The following TRAPPC8 variants were observed in gnomAD, a reference collection of about 807,000 sequenced individuals.
The protein encoded by TRAPPC8 is general sporulation gene 1 homolog.
Under a neutral mutation model 174.3 loss-of-function variants are expected in TRAPPC8, and 54 were observed. The observed-to-expected ratio is 0.31, with a 90% CI of 0.25 to 0.39. The LOEUF (loss-of-function observed/expected upper bound fraction) is 0.39, where lower values mean the gene tolerates loss of function less well. TRAPPC8 is among the 10% of genes least tolerant of loss of function. The pLI is 1.00. For synonymous variants in TRAPPC8, 630 were observed against 579.9 expected (o/e 1.09, Z -1.24); for missense variants, 1,531 against 1,699.1 (o/e 0.90, Z 1.74).
At chr18:31,939,986 G>A (rs550434457) in intron 1 of TRAPPC8, among the ~76,000 whole-genome samples, 2 of 152,312 alleles carry the variant, frequency 1.3e-5, no homozygotes, top group East Asian at 3.9e-4. Context: ...CAATACAGTA[G>A]GCAACAGCTG....
At chr18:31,934,169 C>G (rs2037978287) in intron 1 of TRAPPC8, among the ~76,000 whole-genome samples, 1 of 150,496 alleles carries the variant, frequency 6.6e-6, no homozygotes, top group Non-Finnish European at 1.5e-5. Context: ...GCCTGGGCGA[C>G]AGAGACTCCC....
rs767050619 is a variant in TRAPPC8, at chr18:31,855,641, CA to C, written c.3336+18del. 6.4e-7 allele frequency: 1 copy of C among 1,573,552 alleles called. No individual in the cohort carries two copies. Among genetic ancestry groups the C allele is most frequent in the Non-Finnish European group, 8.6e-7 (1 of 1,168,108 alleles). ...TTCAAATATAATTAAAAACAAAATTCAGTTTTAAACCAACTTACAGTATTGG... is the reference window on the plus strand; with the variant it reads ...TTCAAATATAATTAAAAACAAAATTCGTTTTAAACCAACTTACAGTATTGG... On this transcript the variant is annotated intron_variant, in intron 21 of 28. Coordinates refer to ENST00000283351, the MANE Select transcript of TRAPPC8 (RefSeq NM_014939.5).
intron 2 of TRAPPC8, among the ~76,000 whole-genome samples, chr18:31,929,403 T>C (rs1482180883): frequency 6.6e-6 from 1 of 152,054 alleles, no homozygotes; most frequent in Non-Finnish European, 1.5e-5. Flanking sequence ...GGTGTGCAGC[T>C]ATAGTCCTAA....
At chr18:31,918,754 TATATA>T (rs2037252305) in intron 2 of TRAPPC8, among the ~76,000 whole-genome samples, 1 of 152,240 alleles carries the variant, frequency 6.6e-6, no homozygotes, top group African/African-American at 2.4e-5. Flanking sequence ...TGTATAAATG[TATATA>T]ATGTGATTCT....
intron 1 of TRAPPC8, among the ~76,000 whole-genome samples, chr18:31,937,253 G>A (rs1045104905): frequency 4.0e-5 from 6 of 151,838 alleles, no homozygotes; most frequent in Admixed American, 6.6e-5. Flanking sequence ...ATTTAAGGCC[G>A]GTCGCAGTGG....
intron 12 of TRAPPC8, among the ~76,000 whole-genome samples, chr18:31,877,414 C>G (rs1304910644): frequency 6.7e-6 from 1 of 150,232 alleles, no homozygotes; most frequent in Non-Finnish European, 1.5e-5. Flanking sequence ...AGATCGAGAC[C>G]ATCCTGGCTA....
At chr18:31,911,005 A>C (rs2036880470) in intron 5 of TRAPPC8, among the ~76,000 whole-genome samples, 2 of 152,182 alleles carry the variant, frequency 1.3e-5, no homozygotes, top group Non-Finnish European at 2.9e-5. Flanking sequence ...GTCAGTAATC[A>C]CCTCAATACT....
chr18:31,866,197 C>A (rs749108315), intron 18 of TRAPPC8, among the ~76,000 whole-genome samples: 1 of 152,060 alleles, frequency 6.6e-6, no homozygotes, highest in Non-Finnish European at 1.5e-5. Flanking sequence ...TCATGGTAAA[C>A]TCCCTCTCCT....
intron 2 of TRAPPC8, among the ~76,000 whole-genome samples, chr18:31,927,113 T>C (rs150506579): frequency 1.1e-3 from 160 of 152,246 alleles, no homozygotes; most frequent in African/African-American, 3.8e-3. Flanking sequence ...TTTGATAAAT[T>C]TATTTTTCTT....
intron 19 of TRAPPC8, among the ~76,000 whole-genome samples, chr18:31,862,741 G>A (rs1021205418): frequency 6.6e-6 from 1 of 151,936 alleles, no homozygotes; most frequent in Admixed American, 6.6e-5. Context: ...ACATGTATAG[G>A]ATTACTACCA....
chr18:31,879,410 A>T (rs893637772), intron 12 of TRAPPC8, among the ~76,000 whole-genome samples: 2 of 152,162 alleles, frequency 1.3e-5, no homozygotes, highest in Middle Eastern at 3.2e-3. Context: ...GCAGAAATTT[A>T]AAAAAATTTT....
At chr18:31,900,568 CAG>C (rs2036377533) in intron 10 of TRAPPC8, among the ~76,000 whole-genome samples, 1 of 152,198 alleles carries the variant, frequency 6.6e-6, no homozygotes, top group African/African-American at 2.4e-5. Flanking sequence ...AGGGTTCCAA[CAG>C]AAAGCACTAT....
At chr18:31,934,780 T>C (rs958057803) in intron 1 of TRAPPC8, among the ~76,000 whole-genome samples, 2 of 150,470 alleles carry the variant, frequency 1.3e-5, no homozygotes, top group Non-Finnish European at 3.0e-5. Context: ...GGCAGGAGAA[T>C]CGCTTGAACC....
At chr18:31,874,998 C>G (rs1223098956) in intron 12 of TRAPPC8, among the ~76,000 whole-genome samples, 1 of 152,134 alleles carries the variant, frequency 6.6e-6, no homozygotes. Flanking sequence ...CTTCTCTGAG[C>G]CACAATTTCA....
At chr18:31,849,859 A>C (rs1568042222) in intron 24 of TRAPPC8, 120 bp from the exon 25 acceptor site, 1 of 872,328 alleles carries the variant, frequency 1.1e-6, no homozygotes, top group Non-Finnish European at 1.6e-6. Flanking sequence ...TATAGCTTAT[A>C]CATACCCAAA....
At chr18:31,886,851 C>T (rs181944004) in intron 12 of TRAPPC8, among the ~76,000 whole-genome samples, 2 of 152,102 alleles carry the variant, frequency 1.3e-5, no homozygotes, top group East Asian at 1.9e-4. Context: ...AGTGGTGGCA[C>T]GTACCCGTAG....
At chr18:31,880,081 GAAAA>G (rs749972515) in intron 12 of TRAPPC8, among the ~76,000 whole-genome samples, 2 of 52,726 alleles carry the variant, frequency 3.8e-5, no homozygotes, top group Admixed American at 1.9e-4. Context: ...TGAAACTATT[GAAAA>G]AAAAAATATA....
chr18:31,901,043 GT>G lies in TRAPPC8; in HGVS notation c.1390-19del. 1 of 1,562,594 alleles carries G rather than the reference GT, an allele frequency of 6.4e-7. No individual in the cohort carries two copies. On this transcript the variant is annotated intron_variant, in intron 9 of 28. Transcript: ENST00000283351. ...GCCATTTCCTAAAATAAAAGACATA[GT>G]TTACATATTTCAAAAGAAGAAACAG... is the stretch of plus-strand genomic sequence containing the variant.
intron 27 of TRAPPC8, chr18:31,833,190 T>C (rs933256514): frequency 6.6e-5 from 10 of 152,218 alleles, no homozygotes; most frequent in South Asian, 4.1e-4. Context: ...TAAGTTCCAA[T>C]TGCATAATTT....
Sources: gnomAD v4.1 joint callset for allele counts (sites outside exome capture counted in the v4.1 genomes callset) on GRCh38, gnomAD v4.1.1 for gene constraint, MANE v1.5 for transcripts, NCBI Gene and HGNC (gene_info 2026-07-23, HGNC 2026-07-21) for gene names.